Variants in PRUNE2 observed in about 807,000 individuals in gnomAD.
PRUNE2 encodes protein prune homolog 2.
PRUNE2 carries 164 observed loss-of-function variants against 252.0 expected under a neutral mutation model. That is an observed-to-expected ratio of 0.65 (90% CI 0.57 to 0.74). The LOEUF (loss-of-function observed/expected upper bound fraction) is 0.74. Among genes scored for constraint, PRUNE2 ranks in the 30% least tolerant of loss-of-function variants. The pLI is 0.00. For missense variants in PRUNE2, 3,495 were observed against 3,711.0 expected (o/e 0.94, Z 1.51); for synonymous variants, 1,292 against 1,350.2 (o/e 0.96, Z 0.94).
chr9:76,854,922 C>T, intron 1 of PRUNE2, among the ~76,000 whole-genome samples: 1 of 151,240 alleles, frequency 6.6e-6, no homozygotes. Flanking sequence ...AAAAATTAGC[C>T]AGGTGTGGTG....
At chr9:76,727,710 CTT>C (rs373565657) in intron 6 of PRUNE2, among the ~76,000 whole-genome samples, 84 of 42,896 alleles carry the variant, frequency 2.0e-3, no homozygotes, top group African/African-American at 7.8e-3. Context: ...GTAAACAGGG[CTT>C]TTTTTTTTTT....
intron 4 of PRUNE2, among the ~76,000 whole-genome samples, chr9:76,844,981 T>C (rs1030245060): frequency 8.4e-6 from 1 of 119,064 alleles, no homozygotes; most frequent in Non-Finnish European, 1.6e-5. Context: ...CTGGGCAATA[T>C]GGTGAGACCC....
chr9:76,722,636 T>C (rs2047746138), intron 6 of PRUNE2, among the ~76,000 whole-genome samples: 1 of 152,234 alleles, frequency 6.6e-6, no homozygotes, highest in Non-Finnish European at 1.5e-5. Flanking sequence ...CTGACATAAT[T>C]AAGTATTGCC....
chr9:76,774,281 G>T (rs2053442782), intron 6 of PRUNE2, among the ~76,000 whole-genome samples: 1 of 151,718 alleles, frequency 6.6e-6, no homozygotes, highest in Non-Finnish European at 1.5e-5. Context: ...GACTACAGGT[G>T]TGCACCACCA....
intron 6 of PRUNE2, among the ~76,000 whole-genome samples, chr9:76,754,914 C>T (rs1010237229): frequency 1.5e-5 from 2 of 132,576 alleles, no homozygotes; most frequent in Admixed American, 9.0e-5. Context: ...TGCAGTGAGC[C>T]GAGATTGTGG....
chr9:76,705,354 G>A lies in PRUNE2; in HGVS notation c.6920C>T (p.Ser2307Leu). ...TGTTCCCGTGGATGTGTTGAGACCT[G>A]AGGCATCGCTGAAACTGTGGTCAAA... is the stretch of plus-strand genomic sequence containing the variant. The part of the protein sequence containing the change: ...AAFDHSFSDA[S>L]GLNTSTGTID... The change falls in exon 8 of 19, where the codon TCA becomes TTA. Residue 2307 changes from serine to leucine, a missense_variant. By Grantham distance (145) the Ser-to-Leu change is moderately radical. Transcript: ENST00000376718. The A allele has an allele frequency of 6.2e-7, 1 of 1,613,986 alleles. No individual in the cohort carries two copies. The highest frequency in any genetic ancestry group is 8.5e-7 in the Non-Finnish European group (1 of 1,179,870).
At position 76,711,337 on chromosome 9, in the gene PRUNE2, A is replaced by T. The variant is rs745375600; in HGVS notation, c.937T>A (p.Cys313Ser). The T allele has an allele frequency of 6.2e-7, 1 of 1,611,952 alleles. No individual in the cohort carries two copies. The highest frequency in any genetic ancestry group is 8.5e-7 in the Non-Finnish European group (1 of 1,179,174). ...CSQICCELEE[C>S]QNPCLELEPF... is the part of the protein sequence containing the mutation. Reference sequence around the variant, plus strand: ...TCCAGTTCTAGGCAAGGGTTCTGACACTCTTCCAGCTCACAGCAAATCTGT... The same window carrying T: ...TCCAGTTCTAGGCAAGGGTTCTGACTCTCTTCCAGCTCACAGCAAATCTGT... Residue 313 changes from cysteine to serine, a missense_variant, in exon 8 of 19, where the codon TGT becomes AGT. Coordinates refer to ENST00000376718, the MANE Select transcript of PRUNE2 (RefSeq NM_015225.3).
intron 9 of PRUNE2, among the ~76,000 whole-genome samples, chr9:76,675,065 G>C (rs1390893685): frequency 2.5e-5 from 2 of 80,462 alleles, no homozygotes; most frequent in African/African-American, 7.0e-5. Flanking sequence ...TTGACAAATG[G>C]GATCTAATTA....
chr9:76,655,945 A>AT (rs1264908375), intron 9 of PRUNE2, among the ~76,000 whole-genome samples: 5 of 152,184 alleles, frequency 3.3e-5, no homozygotes, highest in Non-Finnish European at 7.4e-5. Flanking sequence ...CTCAGTTTTC[A>AT]TTTGTAAACT....
At chr9:76,819,671 T>C (rs1004398785) in intron 6 of PRUNE2, among the ~76,000 whole-genome samples, 6 of 152,214 alleles carry the variant, frequency 3.9e-5, no homozygotes, top group African/African-American at 1.4e-4. Context: ...ATCAAGTCAG[T>C]GCATGGCTAT....
chr9:76,803,583 T>C (rs1194754800), intron 6 of PRUNE2, among the ~76,000 whole-genome samples: 1 of 152,166 alleles, frequency 6.6e-6, no homozygotes, highest in Non-Finnish European at 1.5e-5. Flanking sequence ...CCCCGTGTCG[T>C]AGTCAAAACT....
intron 6 of PRUNE2, among the ~76,000 whole-genome samples, chr9:76,734,650 A>G (rs534286942): frequency 6.6e-6 from 1 of 152,192 alleles, no homozygotes; most frequent in African/African-American, 2.4e-5. Context: ...AGACATAAGC[A>G]TTTTTGTCTG....
At chr9:76,667,806 T>C (rs947158376) in intron 9 of PRUNE2, among the ~76,000 whole-genome samples, 5 of 152,250 alleles carry the variant, frequency 3.3e-5, no homozygotes, top group African/African-American at 1.2e-4. Flanking sequence ...TGTTGGGCTT[T>C]ACATGCTCTA....
At chr9:76,772,567 T>C (rs1387280352) in intron 6 of PRUNE2, among the ~76,000 whole-genome samples, 1 of 152,082 alleles carries the variant, frequency 6.6e-6, no homozygotes. Flanking sequence ...GTAAATTATT[T>C]TCTTTCTTTT....
chr9:76,707,798 C>T lies in PRUNE2; in HGVS notation c.4476G>A (p.Gly1492=), dbSNP rs1334306387. Residue 1492 remains glycine, a synonymous_variant, in exon 8 of 19, where the codon GGG becomes GGA. Coordinates refer to ENST00000376718, the MANE Select transcript of PRUNE2 (RefSeq NM_015225.3). ...PHRVPRSLDF[G]DVPIDSDVHV... Reference sequence around the variant, plus strand: ...GCACATCACTGTCTATAGGGACGTCCCCAAAATCAAGACTTCGGGGAACTC... The same window carrying T: ...GCACATCACTGTCTATAGGGACGTCTCCAAAATCAAGACTTCGGGGAACTC... 6.2e-7 allele frequency: 1 copy of T among 1,613,298 alleles called. No homozygotes were observed. Among genetic ancestry groups the T allele is most frequent in the Admixed American group, 1.7e-5 (1 of 59,926 alleles).
Position 76,708,244 on chromosome 9 carries a change from C to A in PRUNE2, c.4030G>T (p.Val1344Leu). The A allele has an allele frequency of 2.5e-6, 4 of 1,613,950 alleles. No homozygotes were observed. The highest frequency in any genetic ancestry group is 3.4e-6 in the Non-Finnish European group (4 of 1,179,862). Reference protein sequence around the residue: ...TDRGHLDEEEVIASGVENASG... With the variant: ...TDRGHLDEEELIASGVENASG... ...GCATTCTCCACACCAGAGGCGATCA[C>A]CTCCTCTTCATCAAGGTGCCCCCTG... The change falls in exon 8 of 19, where the codon GTG becomes TTG. Residue 1344 changes from valine to leucine, a missense_variant. Val to Leu is a conservative substitution (Grantham distance 32). Transcript: ENST00000376718.
At chr9:76,877,499 AACACAC>A (rs113656279) in intron 1 of PRUNE2, among the ~76,000 whole-genome samples, 1 of 150,168 alleles carries the variant, frequency 6.7e-6, no homozygotes, top group African/African-American at 2.4e-5. Flanking sequence ...TCTCAATTAA[AACACAC>A]ACACACACAC....
chr9:76,773,168 G>A (rs1266766779), intron 6 of PRUNE2, among the ~76,000 whole-genome samples: 2 of 152,148 alleles, frequency 1.3e-5, no homozygotes, highest in Admixed American at 6.5e-5. Flanking sequence ...CACCAAAGCG[G>A]TCTTTTGTTG....
intron 1 of PRUNE2, among the ~76,000 whole-genome samples, chr9:76,897,166 G>A (rs2062870679): frequency 6.6e-6 from 1 of 152,028 alleles, no homozygotes; most frequent in African/African-American, 2.4e-5. Flanking sequence ...CCCCTCTTGG[G>A]TCAGCGTGAA....
Sources: allele counts gnomAD v4.1 joint callset (sites outside exome capture counted in the v4.1 genomes callset), GRCh38; gene constraint gnomAD v4.1.1; transcripts MANE v1.5; gene names NCBI Gene and HGNC (gene_info 2026-07-23, HGNC 2026-07-21).